Variants in MAN1A1 observed in about 807,000 individuals in gnomAD.
MAN1A1 encodes the protein mannosidase alpha class 1A member 1.
MAN1A1 carries 29 observed loss-of-function variants against 70.8 expected under a neutral mutation model. That is an observed-to-expected ratio of 0.41 (90% CI 0.31 to 0.56). The LOEUF (loss-of-function observed/expected upper bound fraction) is 0.56, where lower values mean the gene tolerates loss of function less well. MAN1A1 is among the 20% of genes least tolerant of loss of function. The pLI, the probability that MAN1A1 is intolerant of heterozygous loss-of-function variation, is 0.29. For synonymous variants in MAN1A1, 349 were observed against 330.1 expected, an observed-to-expected ratio of 1.06 and a Z score of -0.62; for missense variants, 747 against 841.3, an observed-to-expected ratio of 0.89 and a Z score of 1.39.
rs1339108097 is a variant in MAN1A1 at position 119,214,417 on chromosome 6, A to C, written c.993-9535T>G. Among the ~76,000 whole-genome samples, 8 of 152,360 alleles carry C rather than the reference A, an allele frequency of 5.3e-5. No homozygotes were observed. In the East Asian group the frequency reaches 7.7e-4, roughly 15 times the overall value. The stretch of plus-strand genomic sequence containing the variant: ...TAAAACTACATATTTTCTAGAAGAA[A>C]TATTCAAAATATGTCAGTGTTGACA... On this transcript the variant is annotated intron_variant, in intron 6 of 12. Coordinates refer to ENST00000368468, the MANE Select transcript of MAN1A1 (RefSeq NM_005907.4).
upstream of MAN1A1, chr6:119,349,850 C>T (rs1470487399): frequency 2.8e-6 from 2 of 726,342 alleles, no homozygotes; most frequent in Non-Finnish European, 3.4e-6. Flanking sequence ...CACGCGCCGC[C>T]CAGGGTCCCG....
intron 4 of MAN1A1, among the ~76,000 whole-genome samples, chr6:119,295,507 C>A (rs1357107556): frequency 6.6e-6 from 1 of 152,076 alleles, no homozygotes; most frequent in African/African-American, 2.4e-5. Flanking sequence ...TAGAGTCACA[C>A]TTATATTAGA....
intron 9 of MAN1A1, among the ~76,000 whole-genome samples, chr6:119,192,297 C>A (rs1773463176): frequency 6.6e-6 from 1 of 152,108 alleles, no homozygotes; most frequent in African/African-American, 2.4e-5. Flanking sequence ...TGAAACCTCA[C>A]AGCAATGAGG....
At chr6:119,192,694 A>ATT (rs1773472540) in intron 9 of MAN1A1, among the ~76,000 whole-genome samples, 1 of 152,128 alleles carries the variant, frequency 6.6e-6, no homozygotes, top group African/African-American at 2.4e-5. Flanking sequence ...CTGAGCCACT[A>ATT]TTTTACAACA....
At chr6:119,186,087 T>C (rs1263574982) in intron 11 of MAN1A1, among the ~76,000 whole-genome samples, 1 of 152,058 alleles carries the variant, frequency 6.6e-6, no homozygotes, top group Non-Finnish European at 1.5e-5. Context: ...GGAGATTTTT[T>C]CCCTCTGGTA....
chr6:119,284,559 TG>T (rs1179011676), intron 5 of MAN1A1, among the ~76,000 whole-genome samples: 1 of 152,168 alleles, frequency 6.6e-6, no homozygotes, highest in Non-Finnish European at 1.5e-5. Context: ...TACGTCTTTT[TG>T]TTTTTTTTCC....
At chr6:119,226,732 G>A (rs1015052231) in intron 6 of MAN1A1, among the ~76,000 whole-genome samples, 8 of 152,178 alleles carry the variant, frequency 5.3e-5, no homozygotes, top group South Asian at 2.1e-4. Context: ...GTGCAGTGGC[G>A]CAATCTTGGC....
intron 5 of MAN1A1, among the ~76,000 whole-genome samples, chr6:119,272,737 T>C (rs970069437): frequency 1.1e-4 from 17 of 152,330 alleles, no homozygotes; most frequent in African/African-American, 3.8e-4. Context: ...GATTGATTTA[T>C]GAATGTGTGT....
intron 4 of MAN1A1, among the ~76,000 whole-genome samples, chr6:119,300,517 G>A (rs573152997): frequency 6.6e-6 from 1 of 152,220 alleles, no homozygotes; most frequent in East Asian, 1.9e-4. Flanking sequence ...ACCTCCCAAA[G>A]TGCTGGGATT....
chr6:119,294,732 T>C (rs959181250), intron 4 of MAN1A1, among the ~76,000 whole-genome samples: 2 of 152,136 alleles, frequency 1.3e-5, no homozygotes, highest in East Asian at 3.8e-4. Context: ...CATTTTGATT[T>C]ACTTATAGCA....
chr6:119,196,459 G>A (rs994407387), intron 8 of MAN1A1, among the ~76,000 whole-genome samples: 3 of 152,144 alleles, frequency 2.0e-5, no homozygotes, highest in Admixed American at 6.6e-5. Context: ...CATCTTAGTG[G>A]ATGTCGGGGA....
At chr6:119,281,232 T>C (rs1776217472) in intron 5 of MAN1A1, among the ~76,000 whole-genome samples, 1 of 152,212 alleles carries the variant, frequency 6.6e-6, no homozygotes, top group East Asian at 1.9e-4. Context: ...GAAGGGTTTT[T>C]CCAGTGAGAC....
intron 5 of MAN1A1, among the ~76,000 whole-genome samples, chr6:119,252,749 G>A (rs1019057363): frequency 9.9e-5 from 15 of 151,922 alleles, no homozygotes; most frequent in South Asian, 2.1e-4. Context: ...CCGAGACTGC[G>A]TCACAGCTCT....
intron 2 of MAN1A1, among the ~76,000 whole-genome samples, chr6:119,330,289 T>C (rs867429329): frequency 6.6e-6 from 1 of 151,936 alleles, no homozygotes; most frequent in African/African-American, 2.4e-5. Flanking sequence ...CTAAACCACA[T>C]CCATTACCCC....
intron 6 of MAN1A1, among the ~76,000 whole-genome samples, chr6:119,234,603 C>T (rs897036639): frequency 8.6e-5 from 13 of 151,986 alleles, no homozygotes; most frequent in African/African-American, 2.4e-4. Context: ...TTTGTAGAGA[C>T]GAGGTCTTGC....
intron 9 of MAN1A1, 137 bp downstream of exon 9, chr6:119,193,640 G>A: frequency 1.8e-6 from 1 of 548,578 alleles, no homozygotes; most frequent in South Asian, 2.7e-5. Context: ...GATGATATTA[G>A]CAGATATCGA....
At chr6:119,349,922 C>A (rs1212578372), upstream of MAN1A1, among the ~76,000 whole-genome samples, 1 of 151,852 alleles carries the variant, frequency 6.6e-6, no homozygotes, top group Non-Finnish European at 1.5e-5. Context: ...GGAAGCGCAG[C>A]CTCGGCGGGG....
intron 5 of MAN1A1, among the ~76,000 whole-genome samples, chr6:119,266,134 A>G (rs1775747072): frequency 1.3e-5 from 2 of 152,332 alleles, no homozygotes; most frequent in South Asian, 4.1e-4. Context: ...GAGATATTCC[A>G]TGTTTATAGA....
Position 119,206,088 on chromosome 6 carries a change from C to T in MAN1A1, c.993-1206G>A, listed in dbSNP as rs556975153. Among the ~76,000 whole-genome samples, 8 of 152,096 alleles carry T rather than the reference C, an allele frequency of 5.3e-5. No homozygotes were observed. The South Asian group carries it at 1.0e-3, about 20-fold the overall frequency. ...TGAGTTGATTCTTGAAGGGCAAGTACGAGTTGGTGAGGAAAAAATGATGAG... is the reference window on the plus strand; with the variant it reads ...TGAGTTGATTCTTGAAGGGCAAGTATGAGTTGGTGAGGAAAAAATGATGAG... On this transcript the variant is annotated intron_variant, in intron 6 of 12. Coordinates refer to ENST00000368468, the MANE Select transcript of MAN1A1 (RefSeq NM_005907.4).
Sources: allele counts gnomAD v4.1 joint callset (sites outside exome capture counted in the v4.1 genomes callset), GRCh38; gene constraint gnomAD v4.1.1; transcripts MANE v1.5; gene names NCBI Gene and HGNC (gene_info 2026-07-23, HGNC 2026-07-21).